Variants in ABCA2 observed in about 807,000 individuals in gnomAD.
ABCA2 encodes the protein ATP-binding cassette sub-family A member 2.
A neutral mutation model predicts 262.8 loss-of-function variants in ABCA2; 84 were observed. The ratio of observed to expected loss-of-function variants is 0.32; its 90% CI spans 0.27 to 0.38. The LOEUF (loss-of-function observed/expected upper bound fraction) is 0.38, where lower values mean the gene tolerates loss of function less well. ABCA2 is among the 10% of genes least tolerant of loss of function. The pLI, the probability that ABCA2 is intolerant of heterozygous loss-of-function variation, is 1.00. For missense variants in ABCA2, 2,662 were observed against 3,405.9 expected (o/e 0.78, Z 5.44); for synonymous variants, 1,696 against 1,502.9 (o/e 1.13, Z -2.97).
Position 137,028,197 on chromosome 9 carries a change from C to A in ABCA2, c.-57G>T, listed in dbSNP as rs1831727401. 2.0e-6 allele frequency: 2 copies of A among 978,000 alleles called. No homozygotes were observed. The highest frequency in any genetic ancestry group is 1.3e-4 in the Admixed American group (2 of 15,696). The allele number at this position is 978,000 out of a possible 1,614,324, so 60.6% of individuals were successfully genotyped here. On this transcript the variant is annotated 5_prime_UTR_variant, in exon 1 of 49. Coordinates refer to ENST00000341511, the MANE Select transcript of ABCA2 (RefSeq NM_001606.5). This position sits in a 1 kb window ranked among gnomAD's most constrained non-coding sequence, Gnocchi z 6.9. ...CGGCCCGCTCCTCTGCGCGCCCCGC[C>A]GGGCCCCGCAGCCCGCCGCGCCGCT...
chr9:137,023,878 G>A (rs755375982), intron 2 of ABCA2, 38 bp from the exon 3 acceptor site: 48 of 920,048 alleles, frequency 5.2e-5, no homozygotes, highest in Non-Finnish European at 8.6e-5. Flanking sequence ...ATGCGGGGAG[G>A]GAGGGGGATC....
upstream of ABCA2, chr9:137,028,289 G>T (rs1467929223): frequency 2.0e-6 from 2 of 976,740 alleles, no homozygotes; most frequent in African/African-American, 3.6e-5. This position sits in a 1 kb window ranked among gnomAD's most constrained non-coding sequence, Gnocchi z 6.9. Context: ...GCTCCGCCCC[G>T]GCGGCCGCGG....
chr9:137,009,893 C>A lies in ABCA2; in HGVS notation c.6506G>T (p.Trp2169Leu). The A allele has an allele frequency of 1.2e-6, 2 of 1,608,194 alleles. No individual in the cohort carries two copies. Among genetic ancestry groups the A allele is most frequent in the African/African-American group, 1.3e-5 (1 of 74,962 alleles). Reference sequence around the variant, plus strand: ...GGTCAGCTCCAGCTTCTCCAGAGCCCACTTCACCACCTGGCCAGGGAACGC... The same window carrying A: ...GGTCAGCTCCAGCTTCTCCAGAGCCAACTTCACCACCTGGCCAGGGAACGC... Reference protein sequence around the residue: ...SWKDEARVVKWALEKLELTKY... With the variant: ...SWKDEARVVKLALEKLELTKY... Residue 2169 changes from tryptophan (W) to leucine (L), a missense_variant, in exon 43 of 49, where the codon TGG becomes TTG. Physicochemically the swap from Trp to Leu is moderately conservative, Grantham distance 61 (BLOSUM62 -2). Coordinates refer to ENST00000341511, the MANE Select transcript of ABCA2 (RefSeq NM_001606.5).
At chr9:137,012,210 C>A in intron 33 of ABCA2, 48 bp from the exon 34 acceptor site, 1 of 1,605,132 alleles carries the variant, frequency 6.2e-7, no homozygotes, top group South Asian at 1.1e-5. Flanking sequence ...CAGCTCCTCC[C>A]CGCCCCGGCC....
chr9:137,010,702 T>G lies in ABCA2; in HGVS notation c.6092A>C (p.Asp2031Ala). ...CTGCCGCTCACTGGCCACGTCCACA[T>G]CATCCTCCACAGGCTTGGTAGACAC... ...MPVSTKPVEDDVDVASERQRV... is the reference protein window; with the variant it reads ...MPVSTKPVEDAVDVASERQRV... The change falls in exon 40 of 49, where the codon GAT becomes GCT. Residue 2031 changes from aspartate (D) to alanine (A), a missense_variant. By Grantham distance (126) the Asp-to-Ala change is moderately radical. Coordinates refer to ENST00000341511, the MANE Select transcript of ABCA2 (RefSeq NM_001606.5). 1 of 1,611,018 alleles carries G rather than the reference T, an allele frequency of 6.2e-7. No individual in the cohort carries two copies. The highest frequency in any genetic ancestry group is 8.5e-7 in the Non-Finnish European group (1 of 1,179,034).
chr9:137,027,798 G>C (rs1410452512), intron 1 of ABCA2: 1 of 152,372 alleles, frequency 6.6e-6, no homozygotes. Flanking sequence ...GCCCCAGCGA[G>C]CGCGCTGCAG....
Position 137,011,797 on chromosome 9 carries a change from T to TG in ABCA2, c.5535+46dup. 6.6e-7 allele frequency: 1 copy of TG among 1,517,146 alleles called. No individual in the cohort carries two copies. The highest frequency in any genetic ancestry group is 1.4e-5 in the African/African-American group (1 of 69,942). 94.0% of individuals were successfully genotyped at this position (1,517,146 alleles called of 1,614,324 possible). A position where few individuals can be genotyped will look rare whatever the true frequency, so the allele number is the denominator to read the frequency against. On this transcript the variant is annotated intron_variant, in intron 35 of 48. Transcript: ENST00000341511. The surrounding 1 kb of genome is among the most constrained non-coding windows in gnomAD (Gnocchi z 8.8). ...TGAGAGACCCGGGGCAGGGCGGGGA[T>TG]GGGGGATGAGAAGGGCCGGGGCACC...
chr9:137,024,134 C>G lies in ABCA2; in HGVS notation c.160+9G>C, dbSNP rs111334624. On this transcript the variant is annotated intron_variant, in intron 2 of 48. Transcript: ENST00000341511. ...CCCGGCTGTGCCTGGGGCCTCCTGC[C>G]GCACTCACCTTCCTTCACGGAGATG... is the stretch of plus-strand genomic sequence containing the variant. The G allele has an allele frequency of 3.0e-4, 483 of 1,603,772 alleles. No individual in the cohort carries two copies. The highest frequency in any genetic ancestry group is 8.3e-4 in the Middle Eastern group (5 of 6,034).
chr9:137,011,891 C>T lies in ABCA2; in HGVS notation c.5488G>A (p.Gly1830Ser), dbSNP rs780032292. 17 of 1,611,260 alleles carry T rather than the reference C, an allele frequency of 1.1e-5. No individual in the cohort carries two copies. The highest frequency in any genetic ancestry group is 5.0e-5 in the Admixed American group (3 of 59,868). Reference sequence around the variant, plus strand: ...AGCCAGTAGATGATGGGGTTGCAGCCGCTGACAAACTGCAGGTGCTTGGCC... The same window carrying T: ...AGCCAGTAGATGATGGGGTTGCAGCTGCTGACAAACTGCAGGTGCTTGGCC... ...TKAKHLQFVS[G>S]CNPIIYWLAN... The change falls in exon 35 of 49, where the codon GGC becomes AGC. Residue 1830 changes from glycine (G) to serine (S), a missense_variant. Gly to Ser is a moderately conservative substitution (Grantham distance 56, BLOSUM62 0). This residue lies in a region of ABCA2 where 602 missense variants were observed against 897.4 expected (regional missense o/e 0.67). Coordinates refer to ENST00000341511, the MANE Select transcript of ABCA2 (RefSeq NM_001606.5). This position sits in a 1 kb window ranked among gnomAD's most constrained non-coding sequence, Gnocchi z 8.8.
chr9:137,021,771 C>G lies in ABCA2; in HGVS notation c.678+120G>C. ...ATGCCTGCCATAGACCCCTGGGACC[C>G]TCCCCCTCTCCCAGGAGGAGCTCCA... is the stretch of plus-strand genomic sequence containing the variant. On this transcript the variant is annotated intron_variant, in intron 7 of 48. Coordinates refer to ENST00000341511, the MANE Select transcript of ABCA2 (RefSeq NM_001606.5). The surrounding 1 kb of genome is among the most constrained non-coding windows in gnomAD (Gnocchi z 6.0). 1 of 1,243,602 alleles carries G rather than the reference C, an allele frequency of 8.0e-7. No individual in the cohort carries two copies. Among genetic ancestry groups the G allele is most frequent in the South Asian group, 1.4e-5 (1 of 73,026 alleles). 77.0% of individuals were successfully genotyped at this position (1,243,602 alleles called of 1,614,324 possible). A position where few individuals can be genotyped will look rare whatever the true frequency, so the allele number is the denominator to read the frequency against.
chr9:137,025,322 G>A (rs1438011643), intron 1 of ABCA2, among the ~76,000 whole-genome samples: 1 of 152,230 alleles, frequency 6.6e-6, no homozygotes, highest in African/African-American at 2.4e-5. Flanking sequence ...CTACCCTCCA[G>A]AGAGCCCTCG....
chr9:137,028,793 C>A, upstream of ABCA2: 1 of 1,302,482 alleles, frequency 7.7e-7, no homozygotes, highest in Non-Finnish European at 1.0e-6. The surrounding 1 kb of genome is among the most constrained non-coding windows in gnomAD (Gnocchi z 6.9). Flanking sequence ...AAACTCGAGG[C>A]CCCAGGAACG....
rs781092146 is a variant in ABCA2 at position 137,013,027 on chromosome 9, G to C, written c.4842C>G (p.Val1614=). ...SPDEDLQAWN[V]SLPPTAGPEM... ...CTGGCCCAGCGGTGGGCGGCAGGGA[G>C]ACGTTCCAGGCCTGCAGGTCCTCAT... Residue 1614 remains valine (V), a synonymous_variant, in exon 30 of 49, where the codon GTC becomes GTG. Coordinates refer to ENST00000341511, the MANE Select transcript of ABCA2 (RefSeq NM_001606.5). The C allele has an allele frequency of 6.6e-7, 1 of 1,517,536 alleles. No individual in the cohort carries two copies. Among genetic ancestry groups the C allele is most frequent in the Non-Finnish European group, 8.8e-7 (1 of 1,132,184 alleles). 94.0% of individuals were successfully genotyped at this position (1,517,536 alleles called of 1,614,324 possible).
intron 47 of ABCA2, 28 bp from the exon 48 acceptor site, chr9:137,008,650 G>T: frequency 6.3e-7 from 1 of 1,585,726 alleles, no homozygotes; most frequent in South Asian, 1.1e-5. Context: ...CGTGTGGGGA[G>T]GGGGCTGGTC....
rs755904435 is a variant in ABCA2 at position 137,024,181 on chromosome 9, C to G, written c.122G>C (p.Gly41Ala). ...IPLVLFFILL[G>A]LRQKKPTISV... ...GATGGTGGGCTTCTTCTGTCGCAGC[C>G]CCAGCAGGATAAAGAACAGCACCAG... is the stretch of plus-strand genomic sequence containing the variant. Residue 41 changes from glycine to alanine, a missense_variant, in exon 2 of 49, where the codon GGG becomes GCG. Coordinates refer to ENST00000341511, the MANE Select transcript of ABCA2 (RefSeq NM_001606.5). 2 of 1,612,222 alleles carry G rather than the reference C, an allele frequency of 1.2e-6. No individual in the cohort carries two copies. The highest frequency in any genetic ancestry group is 4.5e-5 in the East Asian group (2 of 44,856).
intron 24 of ABCA2, 52 bp downstream of exon 24, chr9:137,015,362 G>A (rs1339278270): frequency 1.3e-6 from 2 of 1,507,892 alleles, no homozygotes; most frequent in Non-Finnish European, 1.8e-6. Flanking sequence ...CTCAGGTGGG[G>A]GTCCCGGGGA....
At position 137,007,409 on chromosome 9, in the gene ABCA2, G is replaced by A; in HGVS notation, c.*520C>T. The A allele has an allele frequency of 6.2e-6, 1 of 160,664 alleles. No individual in the cohort carries two copies. Among genetic ancestry groups the A allele is most frequent in the Non-Finnish European group, 1.4e-5 (1 of 72,400 alleles). 10.0% of individuals were successfully genotyped at this position (160,664 alleles called of 1,614,324 possible). A position where few individuals can be genotyped will look rare whatever the true frequency, so the allele number is the denominator to read the frequency against. ...GTCAGCTTCTCCATTCCTGCCACCT[G>A]CCAGCTGGCCCAAGCTGATGGCTTC... On this transcript the variant is annotated 3_prime_UTR_variant, in exon 49 of 49. Coordinates refer to ENST00000341511, the MANE Select transcript of ABCA2 (RefSeq NM_001606.5).
In ABCA2 at chr9:137,016,494, C is replaced by A. The variant is rs375139956; in HGVS notation, c.2924-23G>T. 10 of 1,612,606 alleles carry A rather than the reference C, an allele frequency of 6.2e-6. No homozygotes were observed. In the East Asian group the frequency reaches 2.0e-4, roughly 32 times the overall value. On this transcript the variant is annotated intron_variant, in intron 20 of 48. Coordinates refer to ENST00000341511, the MANE Select transcript of ABCA2 (RefSeq NM_001606.5). ...CCTCTGCACCAGGGCTGTGGATCAG[C>A]AGGGTGGGGGCGGCGCCAAGGCCAC...
rs562896926 is a variant in ABCA2 at position 137,011,874 on chromosome 9, G to C, written c.5505C>G (p.Ile1835Met). The C allele has an allele frequency of 1.9e-6, 3 of 1,608,692 alleles. No individual in the cohort carries two copies. The South Asian group carries it at 3.3e-5, about 18-fold the overall frequency. ...LQFVSGCNPI[I>M]YWLANYVWDM... is the part of the protein sequence containing the mutation. ...CCCACACGTAGTTCGCCAGCCAGTA[G>C]ATGATGGGGTTGCAGCCGCTGACAA... The change falls in exon 35 of 49, where the codon ATC becomes ATG. Residue 1835 changes from isoleucine (I) to methionine (M), a missense_variant. Physicochemically the swap from Ile to Met is conservative, Grantham distance 10. Around this residue, in one of 12 missense-constraint regions of ABCA2, gnomAD observed 602 missense variants for 897.4 expected, o/e 0.67. Transcript: ENST00000341511. The surrounding 1 kb of genome is among the most constrained non-coding windows in gnomAD (Gnocchi z 8.8).
Sources: allele counts gnomAD v4.1 joint callset (sites outside exome capture counted in the v4.1 genomes callset), GRCh38; gene constraint gnomAD v4.1.1; regional missense constraint gnomAD v4.1.1; non-coding constraint Gnocchi (gnomAD v3.1); transcripts MANE v1.5; gene names NCBI Gene and HGNC (gene_info 2026-07-23, HGNC 2026-07-21).